Variants in DGKI observed in about 807,000 individuals in gnomAD.
DGKI encodes the protein diacylglycerol kinase iota.
Under a neutral mutation model 147.5 loss-of-function variants are expected in DGKI, and 55 were observed. The observed-to-expected ratio is 0.37, with a 90% CI of 0.30 to 0.47. The LOEUF is 0.47. Among genes scored for constraint, DGKI ranks in the 20% least tolerant of loss-of-function variants. The pLI is 1.00. For synonymous variants in DGKI, 469 were observed against 477.1 expected, an observed-to-expected ratio of 0.98 and a Z score of 0.22; for missense variants, 1,007 against 1,323.8, an observed-to-expected ratio of 0.76 and a Z score of 3.71.
intron 12 of DGKI, among the ~76,000 whole-genome samples, chr7:137,591,498 G>C (rs987060015): frequency 3.3e-5 from 5 of 152,098 alleles, no homozygotes; most frequent in African/African-American, 1.2e-4. Context: ...TCAGCCAGCA[G>C]CTCTATCAGC....
At chr7:137,754,207 G>A (rs1416045587) in intron 1 of DGKI, among the ~76,000 whole-genome samples, 3 of 152,086 alleles carry the variant, frequency 2.0e-5, no homozygotes, top group Non-Finnish European at 2.9e-5. Flanking sequence ...TTCATCCCCC[G>A]GTGGCTGCTT....
chr7:137,751,054 A>G (rs1185207177), intron 1 of DGKI, among the ~76,000 whole-genome samples: 1 of 152,172 alleles, frequency 6.6e-6, no homozygotes, highest in East Asian at 1.9e-4. Flanking sequence ...TTTGGTTTCA[A>G]TCATATTTTT....
intron 1 of DGKI, among the ~76,000 whole-genome samples, chr7:137,732,942 C>T (rs1794925257): frequency 1.3e-5 from 2 of 151,980 alleles, no homozygotes; most frequent in African/African-American, 4.8e-5. Flanking sequence ...CTCAATCACT[C>T]ATCAGTATCA....
chr7:137,596,178 A>G (rs531965687), intron 12 of DGKI, among the ~76,000 whole-genome samples: 25 of 152,104 alleles, frequency 1.6e-4, no homozygotes, highest in African/African-American at 5.5e-4. Flanking sequence ...TGTTATGCAT[A>G]GCTTATGTGG....
At chr7:137,617,220 G>C (rs368622976) in intron 8 of DGKI, among the ~76,000 whole-genome samples, 1 of 147,782 alleles carries the variant, frequency 6.8e-6, no homozygotes, top group African/African-American at 2.5e-5. Context: ...GGCAATAAGA[G>C]AAATAATTTG....
At chr7:137,436,686 T>C (rs996868384) in intron 28 of DGKI, among the ~76,000 whole-genome samples, 1 of 152,164 alleles carries the variant, frequency 6.6e-6, no homozygotes, top group Non-Finnish European at 1.5e-5. Context: ...ATCATATACA[T>C]ACTACATAAT....
At chr7:137,780,800 T>C (rs1277273183) in intron 1 of DGKI, among the ~76,000 whole-genome samples, 1 of 152,242 alleles carries the variant, frequency 6.6e-6, no homozygotes, top group African/African-American at 2.4e-5. Flanking sequence ...AAACTCATAA[T>C]TCCTTAAAAG....
At chr7:137,645,683 C>T (rs1403512275) in intron 5 of DGKI, 146 bp from the exon 6 acceptor site, 2 of 638,542 alleles carry the variant, frequency 3.1e-6, no homozygotes, top group Admixed American at 6.1e-5. Flanking sequence ...TCACCCATCT[C>T]AGCCTCCTGA....
intron 1 of DGKI, among the ~76,000 whole-genome samples, chr7:137,817,924 T>C (rs921664121): frequency 6.6e-6 from 1 of 152,356 alleles, no homozygotes. Flanking sequence ...TATGTACTAG[T>C]ACGAACTTAT....
rs1811131109 is a variant in DGKI, at chr7:137,384,506, A to T, written c.*6714T>A. On this transcript the variant is annotated 3_prime_UTR_variant, in exon 33 of 33. Coordinates refer to ENST00000614521, the MANE Select transcript of DGKI (RefSeq NM_001321708.2). Reference sequence around the variant, plus strand: ...AATGACTTACTTAGAAAACATGTTAATATGTAATTTCTAAAGACCCAGTTC... The same window carrying T: ...AATGACTTACTTAGAAAACATGTTATTATGTAATTTCTAAAGACCCAGTTC... 6.6e-6 allele frequency: 1 copy of T among 151,998 alleles called. No individual in the cohort carries two copies. Among genetic ancestry groups the T allele is most frequent in the African/African-American group, 2.4e-5 (1 of 41,412 alleles). The allele number at this position is 151,998 out of a possible 1,614,324, so 9.4% of individuals were successfully genotyped here.
In DGKI at chr7:137,487,639, A is replaced by C. The variant is rs780649767; in HGVS notation, c.2299T>G (p.Cys767Gly). ...VVRGDCDLETCRMYIDRLQED... is the reference protein window; with the variant it reads ...VVRGDCDLETGRMYIDRLQED... The stretch of plus-strand genomic sequence containing the variant: ...TGTAGGCGGTCTATGTACATACGGC[A>C]AGTCTCCAAATCACAGTCTCCACGC... Residue 767 changes from cysteine to glycine, a missense_variant, in exon 22 of 33, where the codon TGC becomes GGC. Cys to Gly is a radical substitution (Grantham distance 159, BLOSUM62 -3). Transcript: ENST00000614521. 1.2e-6 allele frequency: 2 copies of C among 1,613,730 alleles called. No homozygotes were observed. Among genetic ancestry groups the C allele is most frequent in the South Asian group, 1.1e-5 (1 of 91,068 alleles).
intron 30 of DGKI, among the ~76,000 whole-genome samples, chr7:137,407,130 A>G (rs1327504165): frequency 1.3e-5 from 2 of 152,186 alleles, no homozygotes; most frequent in East Asian, 3.9e-4. Flanking sequence ...CAGACTAGCT[A>G]GGCAGTATTT....
intron 9 of DGKI, 68 bp downstream of exon 9, chr7:137,609,467 C>A: frequency 8.0e-7 from 1 of 1,244,338 alleles, no homozygotes; most frequent in Non-Finnish European, 1.2e-6. Context: ...TGGACCAGAT[C>A]TCATAGGACA....
intron 7 of DGKI, among the ~76,000 whole-genome samples, chr7:137,621,449 A>T (rs762128961): frequency 2.0e-5 from 3 of 152,068 alleles, no homozygotes; most frequent in Admixed American, 1.3e-4. Flanking sequence ...CAAAACCCCA[A>T]CCCTGGAAAT....
chr7:137,466,829 G>A, intron 25 of DGKI, 73 bp downstream of exon 25: 1 of 1,498,826 alleles, frequency 6.7e-7, no homozygotes, highest in Admixed American at 1.7e-5. Flanking sequence ...AAAAATTTAT[G>A]AGATTAGCTA....
intron 3 of DGKI, among the ~76,000 whole-genome samples, chr7:137,664,680 C>A (rs1456319365): frequency 6.6e-6 from 1 of 152,078 alleles, no homozygotes; most frequent in African/African-American, 2.4e-5. Flanking sequence ...GGAACAGTTG[C>A]AGGAGTGGAG....
rs1362539619 is a variant in DGKI, at chr7:137,572,853, A to G, written c.1762-15T>C. The G allele has an allele frequency of 1.3e-6, 2 of 1,597,390 alleles. No individual in the cohort carries two copies. The highest frequency in any genetic ancestry group is 1.7e-6 in the Non-Finnish European group (2 of 1,172,400). ...GTTCCATCACACTGAAACAATGAAA[A>G]CAGAAAAGGGGTTTTGAAGTAGTCA... On this transcript the variant is annotated splice_polypyrimidine_tract_variant and intron_variant, in intron 17 of 32. Coordinates refer to ENST00000614521, the MANE Select transcript of DGKI (RefSeq NM_001321708.2).
intron 11 of DGKI, among the ~76,000 whole-genome samples, chr7:137,599,552 T>A (rs1380746049): frequency 6.6e-6 from 1 of 152,200 alleles, no homozygotes; most frequent in East Asian, 1.9e-4. Flanking sequence ...TTCACAGATT[T>A]GCAGAGAATA....
At chr7:137,562,283 C>T (rs1818442418) in intron 19 of DGKI, among the ~76,000 whole-genome samples, 1 of 152,218 alleles carries the variant, frequency 6.6e-6, no homozygotes, top group African/African-American at 2.4e-5. Flanking sequence ...CGCCTGTAAT[C>T]CCAACACTTT....
Sources: allele counts gnomAD v4.1 joint callset (sites outside exome capture counted in the v4.1 genomes callset), GRCh38; gene constraint gnomAD v4.1.1; transcripts MANE v1.5; gene names NCBI Gene and HGNC (gene_info 2026-07-23, HGNC 2026-07-21).